GLG1: variants seen among roughly 807,000 people sequenced by gnomAD.
GLG1 encodes golgi glycoprotein 1.
In GLG1, 38 loss-of-function variants were observed where a neutral mutation model predicts 160.5. That is an observed-to-expected ratio of 0.24 (90% CI 0.18 to 0.31). GLG1 has a LOEUF of 0.31. Among genes scored for constraint, GLG1 ranks in the 10% least tolerant of loss-of-function variants. The probability of loss-of-function intolerance (pLI) is 1.00; values close to 1 mark genes in which losing one functional copy is unlikely to be tolerated. For missense variants in GLG1, 1,373 were observed against 1,505.2 expected (o/e 0.91, Z 1.45); for synonymous variants, 644 against 543.4 (o/e 1.19, Z -2.57).
At chr16:74,475,591 A>G (rs929250337) in intron 12 of GLG1, among the ~76,000 whole-genome samples, 7 of 152,328 alleles carry the variant, frequency 4.6e-5, no homozygotes, top group African/African-American at 1.4e-4. Flanking sequence ...CTGTAGCATT[A>G]GTCTATTACT....
chr16:74,452,411 C>T lies in GLG1; in HGVS notation c.*756G>A, dbSNP rs745914591. On this transcript the variant is annotated 3_prime_UTR_variant, in exon 26 of 26. Transcript: ENST00000422840. ...GTTCAACTTCACAAACTTCCGGTCC[C>T]TTCCCCTCCCCAGCTGCCCTTGTCT... is the stretch of plus-strand genomic sequence containing the variant. The T allele has an allele frequency of 1.1e-5, 13 of 1,189,548 alleles. No homozygotes were observed. The highest frequency in any genetic ancestry group is 1.4e-5 in the Non-Finnish European group (13 of 951,302). 73.7% of individuals were successfully genotyped at this position (1,189,548 alleles called of 1,614,324 possible).
At chr16:74,546,452 T>A (rs2018048993) in intron 1 of GLG1, among the ~76,000 whole-genome samples, 1 of 151,942 alleles carries the variant, frequency 6.6e-6, no homozygotes, top group African/African-American at 2.4e-5. Context: ...CTTAACAAAT[T>A]AATTAATTAA....
chr16:74,463,618 A>C (rs998870825), intron 19 of GLG1, 139 bp from the exon 20 acceptor site: 4 of 764,848 alleles, frequency 5.2e-6, no homozygotes, highest in Non-Finnish European at 4.3e-6. Flanking sequence ...GGCTTACTGC[A>C]ACCTCCGCCT....
At chr16:74,532,333 G>T (rs1455355663) in intron 1 of GLG1, among the ~76,000 whole-genome samples, 180 bp from the exon 2 acceptor site, 1 of 151,870 alleles carries the variant, frequency 6.6e-6, no homozygotes, top group Non-Finnish European at 1.5e-5. Context: ...CTTTTAGGCT[G>T]TTGGGGAGAA....
Position 74,456,930 on chromosome 16 carries a change from T to C in GLG1, c.3266-175A>G, listed in dbSNP as rs550422752. On this transcript the variant is annotated intron_variant, in intron 24 of 25. Transcript: ENST00000422840. ...GATCCAACAATGGAGAGAAATGATATGTAACCTCCAGGGTTGGCGTCCGAA... is the reference window on the plus strand; with the variant it reads ...GATCCAACAATGGAGAGAAATGATACGTAACCTCCAGGGTTGGCGTCCGAA... Among the ~76,000 whole-genome samples the C allele has an allele frequency of 2.6e-5, 4 of 152,302 alleles. No individual in the cohort carries two copies. In the South Asian group the frequency reaches 6.2e-4, roughly 24 times the overall value.
At chr16:74,474,493 G>T (rs1319792359) in intron 13 of GLG1, 53 bp downstream of exon 13, 1 of 859,614 alleles carries the variant, frequency 1.2e-6, no homozygotes, top group African/African-American at 1.6e-5. Flanking sequence ...AACACAAAAG[G>T]CCAGGATGCT....
At chr16:74,490,015 T>C (rs899285274) in intron 8 of GLG1, among the ~76,000 whole-genome samples, 2 of 152,228 alleles carry the variant, frequency 1.3e-5, no homozygotes, top group Non-Finnish European at 2.9e-5. Flanking sequence ...AGACTGATTG[T>C]GGCTTTCTAA....
At chr16:74,517,694 G>A (rs756896318) in intron 2 of GLG1, among the ~76,000 whole-genome samples, 14 of 152,120 alleles carry the variant, frequency 9.2e-5, no homozygotes, top group Non-Finnish European at 2.1e-4. Context: ...TGGAAGTTCA[G>A]GCCAGGGCAA....
At position 74,465,583 on chromosome 16, in the gene GLG1, T is replaced by C. The variant is rs535541537; in HGVS notation, c.2667+93A>G. On this transcript the variant is annotated intron_variant, in intron 19 of 25. Coordinates refer to ENST00000422840, the MANE Select transcript of GLG1 (RefSeq NM_001145667.2). Reference sequence around the variant, plus strand: ...TGCTGCTCGTCTAGGGACCACACTTTGAGAAAGCTGAGCCTGAGGAAGTTG... The same window carrying C: ...TGCTGCTCGTCTAGGGACCACACTTCGAGAAAGCTGAGCCTGAGGAAGTTG... 28 of 1,326,950 alleles carry C rather than the reference T, an allele frequency of 2.1e-5. No homozygotes were observed. The East Asian group carries it at 3.9e-4, about 19-fold the overall frequency. 82.2% of individuals were successfully genotyped at this position (1,326,950 alleles called of 1,614,324 possible).
At chr16:74,461,830 A>C (rs1182293346) in intron 22 of GLG1, 6 of 317,530 alleles carry the variant, frequency 1.9e-5, no homozygotes, top group Non-Finnish European at 3.4e-5. Context: ...AGAAGAAGGG[A>C]AGAACAAATT....
At position 74,540,003 on chromosome 16, in the gene GLG1, ATATATATTTTATATATATATAT is replaced by A; in HGVS notation, c.439-7872_439-7851del. ...ATACAAATATATATATATTTTATATATATATATTTTATATATATATATTATATATATTTTATATATATATTAT... is the reference window on the plus strand; with the variant it reads ...ATACAAATATATATATATTTTATATATATATATATTTTATATATATATTAT... On this transcript the variant is annotated intron_variant, in intron 1 of 25. Transcript: ENST00000422840. Among the ~76,000 whole-genome samples, 4 of 3,854 alleles carry A rather than the reference ATATATATTTTATATATATATAT, an allele frequency of 1.0e-3. 1 individual carries two copies. The highest frequency in any genetic ancestry group is 2.4e-3 in the Non-Finnish European group (4 of 1,640). 2.5% of individuals were successfully genotyped at this position (3,854 alleles called of 152,430 possible). A position where few individuals can be genotyped will look rare whatever the true frequency, so the allele number is the denominator to read the frequency against.
At chr16:74,579,675 T>C (rs374840552) in intron 1 of GLG1, among the ~76,000 whole-genome samples, 6 of 150,964 alleles carry the variant, frequency 4.0e-5, no homozygotes, top group African/African-American at 1.5e-4. Flanking sequence ...TGAGCTGAGA[T>C]TGGGCCACTG....
At chr16:74,476,052 G>A (rs1451443088) in intron 12 of GLG1, among the ~76,000 whole-genome samples, 2 of 151,970 alleles carry the variant, frequency 1.3e-5, no homozygotes, top group Non-Finnish European at 2.9e-5. Flanking sequence ...TGTGGTGGCA[G>A]GTGCCTGTAA....
Position 74,456,643 on chromosome 16 carries a change from C to T in GLG1, c.3372+6G>A, listed in dbSNP as rs745550043. On this transcript the variant is annotated splice_donor_region_variant and intron_variant, in intron 25 of 25. Transcript: ENST00000422840. ...TTTTAAAAAAGGAGATTCTCTTGGTCATTACCTTTGCTGCGTAACTCCACA... is the reference window on the plus strand; with the variant it reads ...TTTTAAAAAAGGAGATTCTCTTGGTTATTACCTTTGCTGCGTAACTCCACA... The T allele has an allele frequency of 6.4e-7, 1 of 1,564,822 alleles. No homozygotes were observed. The highest frequency in any genetic ancestry group is 8.8e-7 in the Non-Finnish European group (1 of 1,141,540).
intron 2 of GLG1, among the ~76,000 whole-genome samples, chr16:74,528,542 T>A (rs1209555857): frequency 6.6e-6 from 1 of 151,962 alleles, no homozygotes; most frequent in Non-Finnish European, 1.5e-5. Context: ...CTAGGTGTGG[T>A]GGCTCACACC....
At chr16:74,542,282 ATTCT>A (rs1202435204) in intron 1 of GLG1, among the ~76,000 whole-genome samples, 1 of 149,574 alleles carries the variant, frequency 6.7e-6, no homozygotes, top group African/African-American at 2.5e-5. Context: ...ATCCTTTTAT[ATTCT>A]TTCTTTGCCC....
At chr16:74,561,473 G>T (rs1230618951) in intron 1 of GLG1, among the ~76,000 whole-genome samples, 3 of 152,072 alleles carry the variant, frequency 2.0e-5, no homozygotes, top group Non-Finnish European at 4.4e-5. Context: ...ATAACTTTAG[G>T]CTCATCTAAT....
At chr16:74,564,735 C>A (rs1315199894) in intron 1 of GLG1, among the ~76,000 whole-genome samples, 2 of 152,206 alleles carry the variant, frequency 1.3e-5, no homozygotes, top group Non-Finnish European at 2.9e-5. Context: ...AGCTTATTCA[C>A]TAGGCATCAA....
chr16:74,583,287 T>C (rs2143829164), intron 1 of GLG1, among the ~76,000 whole-genome samples: 1 of 152,300 alleles, frequency 6.6e-6, no homozygotes, highest in Non-Finnish European at 1.5e-5. Context: ...CAAGTTTATA[T>C]CCTCTTACTG....
Sources: allele counts gnomAD v4.1 joint callset (sites outside exome capture counted in the v4.1 genomes callset), GRCh38; gene constraint gnomAD v4.1.1; transcripts MANE v1.5; gene names NCBI Gene and HGNC (gene_info 2026-07-23, HGNC 2026-07-21).